SLC22A15: variants seen among roughly 807,000 people sequenced by gnomAD.
The protein encoded by SLC22A15 is solute carrier family 22 member 15, also known as flipt 1.
SLC22A15 carries 45 observed loss-of-function variants against 62.7 expected under a neutral mutation model. The ratio of observed to expected loss-of-function variants is 0.72; its 90% CI spans 0.56 to 0.92. The LOEUF is 0.92. Ranked by LOEUF, SLC22A15 falls within the 40% of genes least tolerant of loss-of-function variation. SLC22A15 has a pLI of 0.00. For missense variants in SLC22A15, 622 were observed against 665.6 expected, an observed-to-expected ratio of 0.93 and a Z score of 0.72; for synonymous variants, 264 against 267.0, an observed-to-expected ratio of 0.99 and a Z score of 0.11.
chr1:116,013,263 C>T (rs1483851932), intron 2 of SLC22A15, among the ~76,000 whole-genome samples: 1 of 152,194 alleles, frequency 6.6e-6, no homozygotes, highest in Admixed American at 6.5e-5. Flanking sequence ...ACCCTCACTT[C>T]ATGCTTGACA....
intron 2 of SLC22A15, among the ~76,000 whole-genome samples, chr1:116,009,405 G>A (rs914753010): frequency 1.3e-5 from 2 of 152,162 alleles, no homozygotes; most frequent in Non-Finnish European, 2.9e-5. Flanking sequence ...GTGTGGTATA[G>A]GTAGCTTGAA....
intron 4 of SLC22A15, among the ~76,000 whole-genome samples, chr1:116,023,160 G>T (rs1008967164): frequency 2.0e-5 from 3 of 152,146 alleles, no homozygotes; most frequent in African/African-American, 7.2e-5. Flanking sequence ...AATAATATTT[G>T]CAATATGTAA....
chr1:115,994,230 A>G (rs1187044246), intron 2 of SLC22A15, among the ~76,000 whole-genome samples: 2 of 152,154 alleles, frequency 1.3e-5, no homozygotes, highest in African/African-American at 2.4e-5. Flanking sequence ...CTCCTAACCT[A>G]TGAAAATAAC....
At chr1:116,011,415 T>C (rs1399623145) in intron 2 of SLC22A15, among the ~76,000 whole-genome samples, 2 of 152,168 alleles carry the variant, frequency 1.3e-5, no homozygotes, top group African/African-American at 4.8e-5. Flanking sequence ...AAGGAAATGG[T>C]GACCAATTAG....
At chr1:116,058,424 T>G (rs944247070) in intron 8 of SLC22A15, among the ~76,000 whole-genome samples, 1 of 152,148 alleles carries the variant, frequency 6.6e-6, no homozygotes, top group African/African-American at 2.4e-5. Context: ...GATACCATCT[T>G]ACTCCTGCAA....
intron 8 of SLC22A15, among the ~76,000 whole-genome samples, chr1:116,062,004 G>A (rs1053791059): frequency 7.9e-5 from 12 of 152,038 alleles, no homozygotes; most frequent in African/African-American, 2.2e-4. Flanking sequence ...AGGTCAGGAG[G>A]TCAAGACCAG....
intron 8 of SLC22A15, among the ~76,000 whole-genome samples, chr1:116,044,550 C>T (rs1022278080): frequency 3.3e-5 from 5 of 151,994 alleles, no homozygotes; most frequent in Non-Finnish European, 5.9e-5. Flanking sequence ...TATAATAAAG[C>T]AATAAAAAGA....
At chr1:116,020,943 G>T (rs1656802552) in intron 4 of SLC22A15, 58 bp downstream of exon 4, 1 of 1,472,600 alleles carries the variant, frequency 6.8e-7, no homozygotes, top group Non-Finnish European at 9.2e-7. Context: ...AATTTTATAG[G>T]GACCCAGTTT....
At chr1:116,013,629 G>T (rs1426180625) in intron 2 of SLC22A15, among the ~76,000 whole-genome samples, 1 of 151,996 alleles carries the variant, frequency 6.6e-6, no homozygotes, top group Non-Finnish European at 1.5e-5. Flanking sequence ...ATAAGCATGT[G>T]GTCCATTTTA....
chr1:116,037,781 G>C (rs976753269), intron 8 of SLC22A15, among the ~76,000 whole-genome samples: 8 of 152,146 alleles, frequency 5.3e-5, no homozygotes, highest in Admixed American at 4.6e-4. Context: ...GGTTCTCAAA[G>C]GTGGCTTTGG....
rs1275534009 is a variant in SLC22A15, at chr1:116,062,841, T to G, written c.1251T>G (p.Ile417Met). 6.2e-7 allele frequency: 1 copy of G among 1,613,762 alleles called. No individual in the cohort carries two copies. The highest frequency in any genetic ancestry group is 1.1e-5 in the South Asian group (1 of 91,078). The stretch of plus-strand genomic sequence containing the variant: ...TGACCATCAGTGCTGCCTTTAACAT[T>G]GTTTATATCTACACCTCTGAGCTTT... ...GKLTISAAFN[I>M]VYIYTSELYP... Residue 417 changes from isoleucine (I) to methionine (M), a missense_variant, in exon 9 of 12, where the codon ATT becomes ATG. Transcript: ENST00000369503.
At chr1:116,030,616 ATT>A (rs1443456891) in intron 5 of SLC22A15, among the ~76,000 whole-genome samples, 2 of 152,218 alleles carry the variant, frequency 1.3e-5, no homozygotes, top group Non-Finnish European at 2.9e-5. Flanking sequence ...TGGCAATATA[ATT>A]ATCCAACACT....
chr1:116,034,967 A>G (rs1474886818), intron 6 of SLC22A15, among the ~76,000 whole-genome samples: 1 of 152,262 alleles, frequency 6.6e-6, no homozygotes, highest in Non-Finnish European at 1.5e-5. Flanking sequence ...ATATAGACAT[A>G]GCTCAAATTA....
intron 2 of SLC22A15, among the ~76,000 whole-genome samples, chr1:116,011,381 A>G (rs1656245388): frequency 6.6e-6 from 1 of 152,148 alleles, no homozygotes; most frequent in African/African-American, 2.4e-5. Flanking sequence ...ACTCCTTTTC[A>G]AGAGAATGGC....
chr1:115,983,094 G>T (rs1654691645), intron 1 of SLC22A15, among the ~76,000 whole-genome samples: 1 of 152,178 alleles, frequency 6.6e-6, no homozygotes, highest in South Asian at 2.1e-4. Context: ...TAAGGAGAAA[G>T]TCTCATTTGG....
chr1:115,988,800 T>C (rs554875106), intron 1 of SLC22A15, among the ~76,000 whole-genome samples: 21 of 152,176 alleles, frequency 1.4e-4, no homozygotes, highest in African/African-American at 3.1e-4. Flanking sequence ...CCCAAAGTCC[T>C]GGGATTACAG....
At chr1:116,016,055 T>C (rs1357775107) in intron 2 of SLC22A15, among the ~76,000 whole-genome samples, 2 of 152,154 alleles carry the variant, frequency 1.3e-5, no homozygotes, top group African/African-American at 4.8e-5. Context: ...ATCTCTTTTA[T>C]ATGAAACTTT....
intron 1 of SLC22A15, among the ~76,000 whole-genome samples, chr1:115,987,306 C>A (rs1250689662): frequency 6.6e-6 from 1 of 151,970 alleles, no homozygotes; most frequent in Non-Finnish European, 1.5e-5. Flanking sequence ...GCTGGGACTA[C>A]AGGCGCCTGC....
intron 9 of SLC22A15, 72 bp downstream of exon 9, chr1:116,062,954 G>A: frequency 6.4e-7 from 1 of 1,567,414 alleles, no homozygotes; most frequent in South Asian, 1.1e-5. Context: ...CAACAGAGGT[G>A]TGGTACTCAT....
Sources: gnomAD v4.1 joint callset for allele counts (sites outside exome capture counted in the v4.1 genomes callset) on GRCh38, gnomAD v4.1.1 for gene constraint, MANE v1.5 for transcripts, NCBI Gene and HGNC (gene_info 2026-07-23, HGNC 2026-07-21) for gene names.